Variants in PIK3CB observed in about 807,000 individuals in gnomAD.
PIK3CB encodes the protein phosphatidylinositol-4,5-bisphosphate 3-kinase catalytic subunit beta.
In PIK3CB, 39 loss-of-function variants were observed where a neutral mutation model predicts 136.8. The ratio of observed to expected loss-of-function variants is 0.29; its 90% CI spans 0.22 to 0.37. PIK3CB has a LOEUF of 0.37. PIK3CB is among the 10% of genes least tolerant of loss of function. The pLI, the probability that PIK3CB is intolerant of heterozygous loss-of-function variation, is 1.00. For synonymous variants in PIK3CB, 428 were observed against 436.6 expected, an observed-to-expected ratio of 0.98 and a Z score of 0.25; for missense variants, 868 against 1,275.4, an observed-to-expected ratio of 0.68 and a Z score of 4.87.
intron 2 of PIK3CB, among the ~76,000 whole-genome samples, chr3:138,788,790 C>T (rs947273506): frequency 2.6e-5 from 4 of 151,358 alleles, no homozygotes; most frequent in Non-Finnish European, 5.9e-5. Context: ...TGGTGAAACC[C>T]CGTATCTACT....
At chr3:138,725,777 A>G (rs1037932821) in intron 8 of PIK3CB, among the ~76,000 whole-genome samples, 1 of 152,122 alleles carries the variant, frequency 6.6e-6, no homozygotes, top group African/African-American at 2.4e-5. Context: ...TAGCATTTTC[A>G]TAACTGCTTT....
At position 138,655,460 on chromosome 3, in the gene PIK3CB, C is replaced by T; in HGVS notation, c.3142G>A (p.Ala1048Thr). The change falls in exon 24 of 24, where the codon GCG (alanine) becomes ACG (threonine). Residue 1048 changes from alanine to threonine, a missense_variant. Ala to Thr is a moderately conservative substitution (Grantham distance 58). This residue lies in a region of PIK3CB where 88 missense variants were observed against 147.8 expected (regional missense o/e 0.60). Coordinates refer to ENST00000674063, the MANE Select transcript of PIK3CB (RefSeq NM_006219.3). The stretch of plus-strand genomic sequence containing the variant: ...TTAGTAGTCCAGCTTTCCCTGAGCG[C>T]CTCATCAAATTTTTGCTTAAACTGT... ...LKQFKQKFDE[A>T]LRESWTTKVN... is the part of the protein sequence containing the mutation. The T allele has an allele frequency of 6.2e-7, 1 of 1,613,584 alleles. No individual in the cohort carries two copies. Among genetic ancestry groups the T allele is most frequent in the Non-Finnish European group, 8.5e-7 (1 of 1,179,458 alleles).
chr3:138,794,470 A>G (rs542214589), intron 2 of PIK3CB, among the ~76,000 whole-genome samples: 5 of 152,224 alleles, frequency 3.3e-5, no homozygotes, highest in Non-Finnish European at 7.3e-5. Context: ...CTAGCATGAC[A>G]TGGCAGGCAG....
In PIK3CB at chr3:138,802,083, GA is replaced by G. The variant is rs1283681072; in HGVS notation, c.-121-5517del. On this transcript the variant is annotated intron_variant, in intron 1 of 23. Coordinates refer to ENST00000674063, the MANE Select transcript of PIK3CB (RefSeq NM_006219.3). ...AAAAGAAGAAAAAGAAAGAAGGAAA[GA>G]AAAGGGGAGCCAGGCACAGTGGCTC... Among the ~76,000 whole-genome samples, 4 of 151,018 alleles carry G rather than the reference GA, an allele frequency of 2.6e-5. No individual in the cohort carries two copies. In the East Asian group the frequency reaches 7.8e-4, roughly 30 times the overall value.
chr3:138,684,883 A>G, intron 16 of PIK3CB, 80 bp from the exon 17 acceptor site: 2 of 956,942 alleles, frequency 2.1e-6, no homozygotes, highest in South Asian at 1.6e-5. Context: ...AATCAATAAC[A>G]CCTGCTCCCA....
chr3:138,790,895 G>A lies in PIK3CB; in HGVS notation c.-17+5568C>T, dbSNP rs562142708. Among the ~76,000 whole-genome samples, 5 of 149,760 alleles carry A rather than the reference G, an allele frequency of 3.3e-5. No individual in the cohort carries two copies. The East Asian group carries it at 8.1e-4, about 24-fold the overall frequency. ...GGAGAATCACTTGAACCTGGGAGGT[G>A]GAGGTTGCAGCAAGCCGAGATCACA... On this transcript the variant is annotated intron_variant, in intron 2 of 23. Coordinates refer to ENST00000674063, the MANE Select transcript of PIK3CB (RefSeq NM_006219.3).
chr3:138,779,104 G>C (rs1187622393), intron 2 of PIK3CB, among the ~76,000 whole-genome samples: 2 of 84,296 alleles, frequency 2.4e-5, no homozygotes, highest in Non-Finnish European at 4.8e-5. Flanking sequence ...TTTTTTTTTT[G>C]AGACGGAGTC....
chr3:138,684,672 A>G lies in PIK3CB; in HGVS notation c.2268T>C (p.Ser756=). The change falls in exon 17 of 24, where the codon TCT becomes TCC. Residue 756 remains serine (S), a synonymous_variant. Coordinates refer to ENST00000674063, the MANE Select transcript of PIK3CB (RefSeq NM_006219.3). The part of the protein sequence containing the change: ...LKQSAYREAL[S]DLQSPLNPCV... ...ATGGGTTCAGGGGTGACTGCAGGTCAGAGAGGGCTTCCCGGTAAGCACTCT... is the reference window on the plus strand; with the variant it reads ...ATGGGTTCAGGGGTGACTGCAGGTCGGAGAGGGCTTCCCGGTAAGCACTCT... The G allele has an allele frequency of 6.2e-7, 1 of 1,614,068 alleles. No individual in the cohort carries two copies. Among genetic ancestry groups the G allele is most frequent in the South Asian group, 1.1e-5 (1 of 91,070 alleles).
chr3:138,726,440 A>G (rs1174508699), intron 8 of PIK3CB, among the ~76,000 whole-genome samples: 2 of 152,154 alleles, frequency 1.3e-5, no homozygotes, highest in African/African-American at 4.8e-5. Context: ...TACAACTCCT[A>G]TAATTGAAAC....
At chr3:138,758,295 G>T (rs969155222) in intron 3 of PIK3CB, among the ~76,000 whole-genome samples, 1 of 152,200 alleles carries the variant, frequency 6.6e-6, no homozygotes, top group African/African-American at 2.4e-5. Context: ...TGTTTGGGAT[G>T]ATGGTTAAGT....
In PIK3CB at chr3:138,737,241, A is replaced by G. The variant is rs545842878; in HGVS notation, c.801+466T>C. Among the ~76,000 whole-genome samples, 3 of 151,834 alleles carry G rather than the reference A, an allele frequency of 2.0e-5. No individual in the cohort carries two copies. In the South Asian group the frequency reaches 6.3e-4, roughly 32 times the overall value. On this transcript the variant is annotated intron_variant, in intron 6 of 23. Coordinates refer to ENST00000674063, the MANE Select transcript of PIK3CB (RefSeq NM_006219.3). ...AACCCCATCTCTACTAAAAATACAA[A>G]AAGAAGCTGGGCATGGTGGCGCACA...
chr3:138,744,340 A>G (rs2045304408), intron 4 of PIK3CB, among the ~76,000 whole-genome samples: 1 of 132,892 alleles, frequency 7.5e-6, no homozygotes, highest in Admixed American at 9.3e-5. Context: ...GCTGGCAGTC[A>G]GCCGAGATTG....
chr3:138,724,724 G>C (rs1382273353), intron 8 of PIK3CB, among the ~76,000 whole-genome samples: 4 of 152,146 alleles, frequency 2.6e-5, no homozygotes, highest in African/African-American at 9.7e-5. Context: ...ACTGAGACTA[G>C]ATCAAACCAT....
At chr3:138,723,812 C>T (rs1161580755) in intron 8 of PIK3CB, among the ~76,000 whole-genome samples, 1 of 152,106 alleles carries the variant, frequency 6.6e-6, no homozygotes, top group African/African-American at 2.4e-5. Flanking sequence ...ATTTTAATTT[C>T]CTTCTTGTTC....
chr3:138,736,163 T>C (rs1466885721), intron 6 of PIK3CB, among the ~76,000 whole-genome samples: 1 of 152,190 alleles, frequency 6.6e-6, no homozygotes, highest in African/African-American at 2.4e-5. Context: ...GAAAAGTCAG[T>C]ACTTCTATGT....
At chr3:138,690,661 T>C (rs995248866) in intron 15 of PIK3CB, among the ~76,000 whole-genome samples, 10 of 150,410 alleles carry the variant, frequency 6.6e-5, no homozygotes, top group African/African-American at 9.8e-5. Flanking sequence ...AAGTACACTT[T>C]ACTGGAAAAT....
intron 4 of PIK3CB, 40 bp from the exon 5 acceptor site, chr3:138,742,821 C>A: frequency 9.3e-7 from 1 of 1,080,564 alleles, no homozygotes; most frequent in Non-Finnish European, 1.4e-6. Flanking sequence ...CAGTAACTAA[C>A]AATAATAAAA....
At chr3:138,690,890 T>A in intron 15 of PIK3CB, 110 bp downstream of exon 15, 1 of 805,306 alleles carries the variant, frequency 1.2e-6, no homozygotes, top group Non-Finnish European at 2.0e-6. Context: ...ATAAATGTTA[T>A]AAACGGTTCA....
In PIK3CB at chr3:138,665,212, A is replaced by G. The variant is rs2043383180; in HGVS notation, c.2505-9T>C. On this transcript the variant is annotated splice_polypyrimidine_tract_variant and intron_variant, in intron 19 of 23. Transcript: ENST00000674063. ...AGCCATAAGGCAACATCCTGGAAGG[A>G]AAAAAATGGGCATAGAGTCATATTT... 1 of 1,559,928 alleles carries G rather than the reference A, an allele frequency of 6.4e-7. No homozygotes were observed. Among genetic ancestry groups the G allele is most frequent in the South Asian group, 1.2e-5 (1 of 80,924 alleles).
Sources: gnomAD v4.1 joint callset for allele counts (sites outside exome capture counted in the v4.1 genomes callset) on GRCh38, gnomAD v4.1.1 for gene constraint, gnomAD v4.1.1 regional missense constraint, MANE v1.5 for transcripts, NCBI Gene and HGNC (gene_info 2026-07-23, HGNC 2026-07-21) for gene names.